CHRM5: variants seen among roughly 807,000 people sequenced by gnomAD.
CHRM5 encodes muscarinic acetylcholine receptor M5.
A neutral mutation model predicts 39.0 loss-of-function variants in CHRM5; 18 were observed. The observed-to-expected ratio is 0.46, with a 90% CI of 0.32 to 0.68. CHRM5 has a LOEUF of 0.68. CHRM5 is among the 30% of genes least tolerant of loss of function. The pLI is 0.04. For missense variants in CHRM5, 515 were observed against 651.1 expected (o/e 0.79, Z 2.28); for synonymous variants, 241 against 246.3 (o/e 0.98, Z 0.20).
chr15:33,975,167 T>A (rs1460475971), intron 1 of CHRM5, among the ~76,000 whole-genome samples: 2 of 152,132 alleles, frequency 1.3e-5, no homozygotes, highest in Non-Finnish European at 2.9e-5. Flanking sequence ...CTACACTCTC[T>A]CCTCCACACG....
chr15:33,974,767 G>C (rs907298431), intron 1 of CHRM5, among the ~76,000 whole-genome samples: 1 of 152,188 alleles, frequency 6.6e-6, no homozygotes, highest in Admixed American at 6.5e-5. Context: ...GAGGTCAGGG[G>C]TTTGAGACCA....
intron 1 of CHRM5, among the ~76,000 whole-genome samples, chr15:34,036,888 T>A (rs543652132): frequency 6.6e-6 from 1 of 152,170 alleles, no homozygotes; most frequent in South Asian, 2.1e-4. Context: ...GGCGGGTGGA[T>A]CACCTGAGGT....
At chr15:33,996,521 T>C (rs1008549566) in intron 1 of CHRM5, among the ~76,000 whole-genome samples, 2 of 152,154 alleles carry the variant, frequency 1.3e-5, no homozygotes, top group African/African-American at 2.4e-5. Flanking sequence ...TCCTGCAATA[T>C]TTGCTGTTCT....
At chr15:33,991,742 G>A (rs942045107) in intron 1 of CHRM5, 6 of 152,140 alleles carry the variant, frequency 3.9e-5, no homozygotes, top group Non-Finnish European at 7.4e-5. Flanking sequence ...GCCAGCAATT[G>A]TAACCTATGA....
chr15:34,030,471 A>C (rs1284602092), intron 1 of CHRM5, among the ~76,000 whole-genome samples: 1 of 151,850 alleles, frequency 6.6e-6, no homozygotes, highest in Non-Finnish European at 1.5e-5. Context: ...TCAGCCTCTC[A>C]AGTAGCTGGG....
chr15:33,990,499 A>G (rs570237411), intron 1 of CHRM5, among the ~76,000 whole-genome samples: 186 of 152,378 alleles, frequency 1.2e-3, no homozygotes, highest in African/African-American at 4.3e-3. Context: ...TATCTGGAAT[A>G]CAACTTAAAC....
chr15:34,025,764 G>T (rs1762810271), intron 1 of CHRM5, among the ~76,000 whole-genome samples: 1 of 152,108 alleles, frequency 6.6e-6, no homozygotes, highest in Admixed American at 6.5e-5. Context: ...TTGCGTGTGT[G>T]TGTGTGTTTG....
chr15:34,062,289 C>T (rs978126943), intron 2 of CHRM5, among the ~76,000 whole-genome samples: 4 of 152,200 alleles, frequency 2.6e-5, no homozygotes, highest in African/African-American at 9.6e-5. Flanking sequence ...GGCGCGGTGG[C>T]TCACGCCTGT....
At chr15:34,031,168 A>AT (rs34414446) in intron 1 of CHRM5, among the ~76,000 whole-genome samples, 1,292 of 67,532 alleles carry the variant, frequency 0.019, 106 homozygotes, top group African/African-American at 0.071. Context: ...GCTTAGGTTA[A>AT]TTTTTTTTTT....
At chr15:34,021,465 A>G (rs965069259) in intron 1 of CHRM5, among the ~76,000 whole-genome samples, 3 of 151,834 alleles carry the variant, frequency 2.0e-5, no homozygotes, top group Non-Finnish European at 2.9e-5. Context: ...TTGTATTTTT[A>G]GTATATACGG....
rs1048443268 is a variant in CHRM5, at chr15:34,031,112, C to T, written c.-407-15428C>T. 1.9e-4 allele frequency among the ~76,000 whole-genome samples: 3 copies of T among 15,916 alleles called. No individual in the cohort carries two copies. The Admixed American group carries it at 2.8e-3, about 15-fold the overall frequency. The allele number at this position is 15,916 out of a possible 152,430, so 10.4% of individuals were successfully genotyped here. ...ACACTGATAATAAGCCAAAAGAATA[C>T]ATATGAGTTTTTTTTTGTAACAGCC... On this transcript the variant is annotated intron_variant, in intron 1 of 2. Coordinates refer to ENST00000383263, the MANE Select transcript of CHRM5 (RefSeq NM_012125.4).
At chr15:33,983,935 A>C (rs1896307818) in intron 1 of CHRM5, among the ~76,000 whole-genome samples, 1 of 152,108 alleles carries the variant, frequency 6.6e-6, no homozygotes, top group African/African-American at 2.4e-5. Flanking sequence ...ATCATGAAAA[A>C]AAAAAAAATC....
At position 33,986,176 on chromosome 15, in the gene CHRM5, G is replaced by A. The variant is rs191480562; in HGVS notation, c.-408+17026G>A. 6.9e-3 allele frequency among the ~76,000 whole-genome samples: 1,041 copies of A among 151,456 alleles called. 8 individuals carry two copies. Among genetic ancestry groups the A allele is most frequent in the Middle Eastern group, 0.041 (12 of 294 alleles). On this transcript the variant is annotated intron_variant, in intron 1 of 2. Coordinates refer to ENST00000383263, the MANE Select transcript of CHRM5 (RefSeq NM_012125.4). ...GGCTGGAGTGCAGTGGCGCCATCTC[G>A]GCTCACTGCAAGCTCTGCCTCCCGG... is the stretch of plus-strand genomic sequence containing the variant.
chr15:34,040,492 A>C (rs1294686598), intron 1 of CHRM5, among the ~76,000 whole-genome samples: 2 of 152,214 alleles, frequency 1.3e-5, no homozygotes, highest in Non-Finnish European at 2.9e-5. Flanking sequence ...ACACTTGTAG[A>C]GCACTTATAT....
At chr15:34,013,777 C>T (rs900893914) in intron 1 of CHRM5, among the ~76,000 whole-genome samples, 1 of 152,150 alleles carries the variant, frequency 6.6e-6, no homozygotes, top group Admixed American at 6.5e-5. Flanking sequence ...CAGGACCAGG[C>T]TTGTGAGCCA....
At chr15:34,060,078 G>A (rs1325535546) in intron 2 of CHRM5, among the ~76,000 whole-genome samples, 1 of 152,206 alleles carries the variant, frequency 6.6e-6, no homozygotes, top group Non-Finnish European at 1.5e-5. Context: ...AAGATAATCT[G>A]TGATGGCATT....
chr15:34,043,083 T>C (rs1276066120), intron 1 of CHRM5, among the ~76,000 whole-genome samples: 2 of 151,846 alleles, frequency 1.3e-5, no homozygotes, highest in African/African-American at 4.8e-5. Flanking sequence ...CCGTCTCTAC[T>C]GAAAATACAA....
intron 2 of CHRM5, among the ~76,000 whole-genome samples, chr15:34,057,492 C>T (rs1270165626): frequency 6.6e-6 from 1 of 152,162 alleles, no homozygotes; most frequent in Non-Finnish European, 1.5e-5. Context: ...TTGTAGTGAA[C>T]ATTCCCTTGT....
At chr15:33,978,855 T>C (rs1325086823) in intron 1 of CHRM5, among the ~76,000 whole-genome samples, 1 of 152,106 alleles carries the variant, frequency 6.6e-6, no homozygotes, top group Non-Finnish European at 1.5e-5. Context: ...ATGTTCACTT[T>C]CACCCTGAAG....
Sources: gnomAD v4.1 joint callset for allele counts (sites outside exome capture counted in the v4.1 genomes callset) on GRCh38, gnomAD v4.1.1 for gene constraint, MANE v1.5 for transcripts, NCBI Gene and HGNC (gene_info 2026-07-23, HGNC 2026-07-21) for gene names.